Variants in GPCPD1 observed in about 807,000 individuals in gnomAD.
GPCPD1 encodes glycerophosphocholine phosphodiesterase 1, also known as glycerophosphocholine phosphodiesterase GPCPD1.
GPCPD1 carries 29 observed loss-of-function variants against 89.2 expected under a neutral mutation model. The observed-to-expected ratio is 0.33, with a 90% CI of 0.24 to 0.44. GPCPD1 has a LOEUF of 0.44. Among genes scored for constraint, GPCPD1 ranks in the 20% least tolerant of loss-of-function variants. The pLI is 1.00. For synonymous variants in GPCPD1, 258 were observed against 266.3 expected (o/e 0.97, Z 0.30); for missense variants, 594 against 808.9 (o/e 0.73, Z 3.22).
intron 19 of GPCPD1, among the ~76,000 whole-genome samples, chr20:5,551,114 A>G (rs971149409): frequency 6.6e-6 from 1 of 152,202 alleles, no homozygotes; most frequent in Non-Finnish European, 1.5e-5. Context: ...TACTCCTGAG[A>G]ACTGGTAACA....
chr20:5,545,008 A>G lies in GPCPD1; in HGVS notation c.*2653T>C, dbSNP rs1984967197. On this transcript the variant is annotated 3_prime_UTR_variant, in exon 20 of 20. Transcript: ENST00000379019. ...GTGGTGTGCCTCACATTTACAGCCG[A>G]TCATTTACAGCACATAATTCCAGAG... 1 of 152,166 alleles carries G rather than the reference A, an allele frequency of 6.6e-6. No homozygotes were observed. Among genetic ancestry groups the G allele is most frequent in the Admixed American group, 6.5e-5 (1 of 15,272 alleles). The allele number at this position is 152,166 out of a possible 1,614,324, so 9.4% of individuals were successfully genotyped here. A position where few individuals can be genotyped will look rare whatever the true frequency, so the allele number is the denominator to read the frequency against.
At chr20:5,560,169 A>C (rs1287857232) in intron 16 of GPCPD1, 93 bp from the exon 17 acceptor site, 3 of 785,834 alleles carry the variant, frequency 3.8e-6, no homozygotes, top group Admixed American at 3.2e-5. Context: ...TGATGAAAAA[A>C]CCCCTGACAG....
intron 19 of GPCPD1, among the ~76,000 whole-genome samples, chr20:5,555,096 G>A (rs1002206386): frequency 6.6e-6 from 1 of 152,178 alleles, no homozygotes; most frequent in East Asian, 1.9e-4. Flanking sequence ...TTATGGATGA[G>A]GAAAGAAAAT....
At chr20:5,580,447 CGG>C (rs1978378840) in intron 6 of GPCPD1, among the ~76,000 whole-genome samples, 2 of 151,942 alleles carry the variant, frequency 1.3e-5, no homozygotes, top group Admixed American at 6.6e-5. Flanking sequence ...ATAGGCCGGG[CGG>C]GCATGGTGGC....
chr20:5,575,020 T>A (rs1051582936), intron 10 of GPCPD1, among the ~76,000 whole-genome samples: 3 of 152,232 alleles, frequency 2.0e-5, no homozygotes, highest in African/African-American at 4.8e-5. Context: ...AGTTAACTAA[T>A]ATTCCTTGAG....
chr20:5,572,743 A>T (rs1232510492), intron 11 of GPCPD1, among the ~76,000 whole-genome samples: 2 of 152,120 alleles, frequency 1.3e-5, no homozygotes, highest in Non-Finnish European at 2.9e-5. Flanking sequence ...GTTATTGATT[A>T]AAAATGTCCA....
At chr20:5,567,417 A>G in intron 13 of GPCPD1, 66 bp downstream of exon 13, 1 of 1,502,056 alleles carries the variant, frequency 6.7e-7, no homozygotes, top group Non-Finnish European at 8.9e-7. Flanking sequence ...GAACATAACC[A>G]TATACAAGCA....
chr20:5,573,819 A>C, intron 11 of GPCPD1, 96 bp downstream of exon 11: 3 of 785,392 alleles, frequency 3.8e-6, no homozygotes, highest in Non-Finnish European at 4.6e-6. Context: ...ATAAATGCCA[A>C]GAGATATTCC....
At chr20:5,555,259 G>A (rs1014237430) in intron 19 of GPCPD1, among the ~76,000 whole-genome samples, 5 of 152,184 alleles carry the variant, frequency 3.3e-5, no homozygotes, top group African/African-American at 1.2e-4. Flanking sequence ...ACTACTGTGG[G>A]GCAGGGAGTG....
rs568235824 is a variant in GPCPD1 at position 5,588,140 on chromosome 20, T to G, written c.232-1871A>C. On this transcript the variant is annotated intron_variant, in intron 4 of 19. Coordinates refer to ENST00000379019, the MANE Select transcript of GPCPD1 (RefSeq NM_019593.5). Reference sequence around the variant, plus strand: ...AAATCAAATTAATTCTAGATGATGTTTACTATAACATTTTTCCTGAAATAT... The same window carrying G: ...AAATCAAATTAATTCTAGATGATGTGTACTATAACATTTTTCCTGAAATAT... 7.9e-5 allele frequency among the ~76,000 whole-genome samples: 12 copies of G among 152,350 alleles called. No homozygotes were observed. The South Asian group carries it at 2.5e-3, about 32-fold the overall frequency.
At chr20:5,593,117 A>C (rs1979447549) in intron 4 of GPCPD1, among the ~76,000 whole-genome samples, 1 of 152,218 alleles carries the variant, frequency 6.6e-6, no homozygotes. Context: ...ACTGCAGAAC[A>C]TACTTACTAT....
In GPCPD1 at chr20:5,598,894, A is replaced by G. The variant is rs556423221; in HGVS notation, c.50-73T>C. ...CAGTGGGATAAGCAGGGAAGTTTGC[A>G]TTAGTTCAACCAGATATGCTGCCCC... On this transcript the variant is annotated intron_variant, in intron 2 of 19. Transcript: ENST00000379019. 333 of 934,366 alleles carry G rather than the reference A, an allele frequency of 3.6e-4. 2 individuals are homozygous for G. In the African/African-American group the frequency reaches 4.7e-3, roughly 13 times the overall value. The allele number at this position is 934,366 out of a possible 1,614,324, so 57.9% of individuals were successfully genotyped here.
chr20:5,555,395 T>A (rs578028026), intron 19 of GPCPD1, among the ~76,000 whole-genome samples: 12 of 152,090 alleles, frequency 7.9e-5, no homozygotes, highest in Admixed American at 2.0e-4. Context: ...AAAAATTAGC[T>A]GGATGTGGTT....
At chr20:5,603,661 G>A (rs2122807983) in intron 2 of GPCPD1, among the ~76,000 whole-genome samples, 1 of 151,972 alleles carries the variant, frequency 6.6e-6, no homozygotes, top group Non-Finnish European at 1.5e-5. Flanking sequence ...AGCACTTTAA[G>A]GGACAGCAAA....
chr20:5,548,824 C>T (rs1985191783), intron 19 of GPCPD1: 3 of 611,194 alleles, frequency 4.9e-6, no homozygotes, highest in African/African-American at 1.9e-5. Context: ...AGGAGCAGAT[C>T]GATGTAAGAC....
At chr20:5,556,974 G>A (rs1985806257) in intron 19 of GPCPD1, among the ~76,000 whole-genome samples, 1 of 152,254 alleles carries the variant, frequency 6.6e-6, no homozygotes, top group Admixed American at 6.5e-5. Context: ...GTCAGGGAGT[G>A]CACTGTGAAT....
At position 5,549,855 on chromosome 20, in the gene GPCPD1, A is replaced by C. The variant is rs150136529; in HGVS notation, c.1830-2005T>G. On this transcript the variant is annotated intron_variant, in intron 19 of 19. Coordinates refer to ENST00000379019, the MANE Select transcript of GPCPD1 (RefSeq NM_019593.5). The stretch of plus-strand genomic sequence containing the variant: ...ATGGAAAAAAATGCATTCAGAGAAA[A>C]AAAGATAGTTCTTGGAAATTAAAGA... Among the ~76,000 whole-genome samples the C allele has an allele frequency of 6.6e-5, 10 of 152,260 alleles. No individual in the cohort carries two copies. The East Asian group carries it at 1.7e-3, about 26-fold the overall frequency.
At chr20:5,607,826 A>T (rs1869081804) in intron 1 of GPCPD1, among the ~76,000 whole-genome samples, 1 of 151,762 alleles carries the variant, frequency 6.6e-6, no homozygotes, top group South Asian at 2.1e-4. Context: ...TCAAATAAAA[A>T]AAAAAAAAAA....
intron 4 of GPCPD1, among the ~76,000 whole-genome samples, chr20:5,587,977 T>A (rs1405167255): frequency 1.3e-5 from 2 of 152,120 alleles, no homozygotes; most frequent in East Asian, 3.8e-4. Context: ...TAAATAAAAT[T>A]CTCTTTTTCT....
Sources: allele counts gnomAD v4.1 joint callset (sites outside exome capture counted in the v4.1 genomes callset), GRCh38; gene constraint gnomAD v4.1.1; transcripts MANE v1.5; gene names NCBI Gene and HGNC (gene_info 2026-07-23, HGNC 2026-07-21).